PRKCB: variants seen among roughly 807,000 people sequenced by gnomAD.
The protein encoded by PRKCB is protein kinase C beta type.
Under a neutral mutation model 81.5 loss-of-function variants are expected in PRKCB, and 13 were observed. That is an observed-to-expected ratio of 0.16 (90% CI 0.10 to 0.25). PRKCB has a LOEUF of 0.25. Among genes scored for constraint, PRKCB ranks in the 10% least tolerant of loss-of-function variants. The pLI is 1.00. For synonymous variants in PRKCB, 335 were observed against 321.4 expected (o/e 1.04, Z -0.45); for missense variants, 509 against 875.7 (o/e 0.58, Z 5.29).
intron 9 of PRKCB, among the ~76,000 whole-genome samples, chr16:24,153,167 G>A (rs1316834150): frequency 1.3e-5 from 2 of 152,102 alleles, no homozygotes; most frequent in Non-Finnish European, 2.9e-5. Flanking sequence ...TATTCTATAT[G>A]TCACCCCTTC....
At chr16:23,980,256 G>C (rs1307065502) in intron 2 of PRKCB, among the ~76,000 whole-genome samples, 1 of 152,234 alleles carries the variant, frequency 6.6e-6, no homozygotes, top group African/African-American at 2.4e-5. Context: ...AGAACTTTCT[G>C]TCTTTGATCA....
At chr16:24,162,825 A>C (rs905639082) in intron 10 of PRKCB, among the ~76,000 whole-genome samples, 3 of 152,166 alleles carry the variant, frequency 2.0e-5, no homozygotes, top group Non-Finnish European at 4.4e-5. Flanking sequence ...GTGCCCTAAA[A>C]GCCCTGACTT....
At position 23,846,907 on chromosome 16, in the gene PRKCB, G is replaced by A. The variant is rs1161764373; in HGVS notation, c.205+9501G>A. ...TAAGCTGTTAATCATTACCATGGTT[G>A]TTATTACCTTTTAATTGCCATTTGT... On this transcript the variant is annotated intron_variant, in intron 2 of 16. Coordinates refer to ENST00000643927, the MANE Select transcript of PRKCB (RefSeq NM_002738.7). Among the ~76,000 whole-genome samples, 6 of 152,070 alleles carry A rather than the reference G, an allele frequency of 3.9e-5. No individual in the cohort carries two copies. In the South Asian group the frequency reaches 1.0e-3, roughly 26 times the overall value.
intron 2 of PRKCB, among the ~76,000 whole-genome samples, chr16:23,891,738 G>T (rs1050190260): frequency 7.9e-5 from 12 of 152,190 alleles, no homozygotes; most frequent in Non-Finnish European, 1.6e-4. Context: ...TTTTCAAGGG[G>T]TCATGTTGCT....
At position 24,004,529 on chromosome 16, in the gene PRKCB, C is replaced by T. The variant is rs558642303; in HGVS notation, c.288+15939C>T. ...AATTAGCCAGGCATGGTGGCATGCA[C>T]CTGTAGTCCCAGCTACTCAGGAGGC... On this transcript the variant is annotated intron_variant, in intron 3 of 16. Transcript: ENST00000643927. 2.4e-4 allele frequency among the ~76,000 whole-genome samples: 36 copies of T among 151,066 alleles called. No homozygotes were observed. The South Asian group carries it at 7.2e-3, about 30-fold the overall frequency.
chr16:24,089,415 AC>A (rs1966347769), intron 5 of PRKCB, among the ~76,000 whole-genome samples: 1 of 152,170 alleles, frequency 6.6e-6, no homozygotes, highest in Non-Finnish European at 1.5e-5. Flanking sequence ...TAAGAAGAAA[AC>A]CACAAATGGT....
intron 3 of PRKCB, among the ~76,000 whole-genome samples, chr16:24,006,527 T>C (rs1252459510): frequency 2.0e-5 from 3 of 152,246 alleles, no homozygotes; most frequent in African/African-American, 7.2e-5. Context: ...CTAGCTTTTG[T>C]TGTTTTGTTG....
intron 2 of PRKCB, among the ~76,000 whole-genome samples, chr16:23,896,911 TCCA>T (rs1193872882): frequency 2.6e-5 from 4 of 151,346 alleles, no homozygotes; most frequent in African/African-American, 9.7e-5. Context: ...CATCCATCCA[TCCA>T]TCCATCCATC....
chr16:23,908,932 C>G (rs1011882466), intron 2 of PRKCB, among the ~76,000 whole-genome samples: 2 of 152,246 alleles, frequency 1.3e-5, no homozygotes, highest in Non-Finnish European at 2.9e-5. Context: ...CACCCAGTGG[C>G]CACCTCCATA....
At chr16:23,947,710 T>G (rs1964221689) in intron 2 of PRKCB, among the ~76,000 whole-genome samples, 1 of 152,002 alleles carries the variant, frequency 6.6e-6, no homozygotes, top group East Asian at 1.9e-4. Context: ...TTTGGAATAG[T>G]AACAGGGTGG....
intron 3 of PRKCB, among the ~76,000 whole-genome samples, chr16:24,002,873 A>C (rs1185409630): frequency 6.6e-6 from 1 of 152,106 alleles, no homozygotes; most frequent in Non-Finnish European, 1.5e-5. Flanking sequence ...TCTCTGAGAG[A>C]CTAAGCCATA....
At chr16:24,000,989 G>C (rs928044948) in intron 3 of PRKCB, among the ~76,000 whole-genome samples, 1 of 148,878 alleles carries the variant, frequency 6.7e-6, no homozygotes, top group Non-Finnish European at 1.5e-5. Flanking sequence ...AAATAAAGCG[G>C]TTTTTTTTTT....
chr16:23,867,935 C>G (rs1567295516), intron 2 of PRKCB, among the ~76,000 whole-genome samples: 1 of 152,096 alleles, frequency 6.6e-6, no homozygotes, highest in African/African-American at 2.4e-5. Context: ...GCGACAAGTC[C>G]TGCAGCTGGG....
At chr16:24,101,404 C>T (rs369303774) in intron 7 of PRKCB, among the ~76,000 whole-genome samples, 2 of 152,116 alleles carry the variant, frequency 1.3e-5, no homozygotes, top group African/African-American at 2.4e-5. Context: ...CCAGGCATGG[C>T]GGCATGCACC....
rs2034524161 is a variant in PRKCB at position 24,215,819 on chromosome 16, T to C, written c.*1003T>C. On this transcript the variant is annotated 3_prime_UTR_variant, in exon 17 of 17. Transcript: ENST00000643927. Reference sequence around the variant, plus strand: ...GGATTTGTTACAAATCTAGGTTTGTTACTGGCTTCAGAAAGCTAATTAAGT... The same window carrying C: ...GGATTTGTTACAAATCTAGGTTTGTCACTGGCTTCAGAAAGCTAATTAAGT... 2 of 985,578 alleles carry C rather than the reference T, an allele frequency of 2.0e-6. No individual in the cohort carries two copies. The highest frequency in any genetic ancestry group is 9.4e-5 in the South Asian group (2 of 21,282). 61.1% of individuals were successfully genotyped at this position (985,578 alleles called of 1,614,324 possible).
Position 24,064,697 on chromosome 16 carries a change from G to A in PRKCB, c.530-28094G>A, listed in dbSNP as rs181989582. Among the ~76,000 whole-genome samples, 163 of 151,714 alleles carry A rather than the reference G, an allele frequency of 1.1e-3. 1 individual carries two copies. Among genetic ancestry groups the A allele is most frequent in the African/African-American group, 3.8e-3 (159 of 41,398 alleles). On this transcript the variant is annotated intron_variant, in intron 5 of 16. Transcript: ENST00000643927. ...TTTAAGTCTCCTATTATGATTCTGGGTTTTTTTCCTTTCAGTTTTATCAAT... is the reference window on the plus strand; with the variant it reads ...TTTAAGTCTCCTATTATGATTCTGGATTTTTTTCCTTTCAGTTTTATCAAT...
At chr16:23,837,692 G>T (rs1198274894) in intron 2 of PRKCB, among the ~76,000 whole-genome samples, 1 of 152,146 alleles carries the variant, frequency 6.6e-6, no homozygotes, top group African/African-American at 2.4e-5. Context: ...GGCATGGTCA[G>T]TTCCGCTGGG....
At chr16:23,872,632 A>G (rs1962923273) in intron 2 of PRKCB, among the ~76,000 whole-genome samples, 1 of 152,160 alleles carries the variant, frequency 6.6e-6, no homozygotes, top group African/African-American at 2.4e-5. Flanking sequence ...ACTTTTGGGA[A>G]GTTACTTAAC....
At chr16:24,114,076 A>G (rs1217751137) in intron 8 of PRKCB, among the ~76,000 whole-genome samples, 1 of 151,040 alleles carries the variant, frequency 6.6e-6, no homozygotes, top group Non-Finnish European at 1.5e-5. Flanking sequence ...AAAATTAGCT[A>G]GGCATGGTGG....
Sources: gnomAD v4.1 joint callset for allele counts (sites outside exome capture counted in the v4.1 genomes callset) on GRCh38, gnomAD v4.1.1 for gene constraint, MANE v1.5 for transcripts, NCBI Gene and HGNC (gene_info 2026-07-23, HGNC 2026-07-21) for gene names.